The following LRRFIP2 variants were observed in gnomAD, a reference collection of about 807,000 sequenced individuals.
LRRFIP2 encodes LRR binding FLII interacting protein 2.
A neutral mutation model predicts 125.9 loss-of-function variants in LRRFIP2; 109 were observed. The ratio of observed to expected loss-of-function variants is 0.87; its 90% confidence interval spans 0.74 to 1.01. The LOEUF (loss-of-function observed/expected upper bound fraction) is 1.01, where lower values mean the gene tolerates loss of function less well. LRRFIP2 is among the 50% of genes least tolerant of loss of function. The pLI, the probability that LRRFIP2 is intolerant of heterozygous loss-of-function variation, is 0.00. For synonymous variants in LRRFIP2, 291 were observed against 293.1 expected, an observed-to-expected ratio of 0.99 and a Z score of 0.07; for missense variants, 850 against 862.3, an observed-to-expected ratio of 0.99 and a Z score of 0.18.
chr3:37,150,918 G>A (rs1312547537), intron 1 of LRRFIP2, among the ~76,000 whole-genome samples: 1 of 152,156 alleles, frequency 6.6e-6, no homozygotes, highest in Non-Finnish European at 1.5e-5. Flanking sequence ...TAAAGATTCA[G>A]GACATTCCCA....
chr3:37,161,296 A>G (rs1242980918), intron 1 of LRRFIP2, among the ~76,000 whole-genome samples: 1 of 152,072 alleles, frequency 6.6e-6, no homozygotes, highest in African/African-American at 2.4e-5. Context: ...CAGAGGTTAC[A>G]GTGAGCCAAG....
At chr3:37,114,451 T>C (rs984098488) in intron 7 of LRRFIP2, among the ~76,000 whole-genome samples, 4 of 152,014 alleles carry the variant, frequency 2.6e-5, no homozygotes, top group Non-Finnish European at 5.9e-5. Context: ...TGACAATGAG[T>C]ATATGTTAGG....
At chr3:37,131,591 T>C (rs1293496665) in intron 2 of LRRFIP2, among the ~76,000 whole-genome samples, 1 of 152,250 alleles carries the variant, frequency 6.6e-6, no homozygotes, top group African/African-American at 2.4e-5. Context: ...ATCCTAACTC[T>C]GATTCAGACT....
In LRRFIP2 at chr3:37,094,373, T is replaced by C. The variant is rs143462251; in HGVS notation, c.1035+419A>G. ...CCAAATATTATTACACTTCTATTACTATGAAAAACTGAGAGATAACTATAT... is the reference window on the plus strand; with the variant it reads ...CCAAATATTATTACACTTCTATTACCATGAAAAACTGAGAGATAACTATAT... On this transcript the variant is annotated intron_variant, in intron 17 of 27. Transcript: ENST00000336686. Among the ~76,000 whole-genome samples the C allele has an allele frequency of 2.8e-3, 422 of 152,328 alleles. 2 individuals are homozygous for C. Among genetic ancestry groups the C allele is most frequent in the African/African-American group, 9.5e-3 (396 of 41,586 alleles).
chr3:37,072,797 T>A lies in LRRFIP2; in HGVS notation c.1457A>T (p.Lys486Ile). The A allele has an allele frequency of 6.2e-7, 1 of 1,610,534 alleles. No homozygotes were observed. Among genetic ancestry groups the A allele is most frequent in the Non-Finnish European group, 8.5e-7 (1 of 1,177,172 alleles). The change falls in exon 21 of 28, where the codon AAA becomes ATA. Residue 486 changes from lysine to isoleucine, a missense_variant. Physicochemically the swap from Lys to Ile is moderately radical, Grantham distance 102. Coordinates refer to ENST00000336686, the MANE Select transcript of LRRFIP2 (RefSeq NM_006309.4). ...LQETLLWKDK[K>I]IGALEKQKEY... ...CCCAATTTCATTTCATACCCCAATT[T>A]TTTTATCTTTCCAAAGAAGTGTCTC...
At chr3:37,058,702 T>A in intron 25 of LRRFIP2, 88 bp downstream of exon 25, 1 of 1,391,756 alleles carries the variant, frequency 7.2e-7, no homozygotes, top group Non-Finnish European at 9.9e-7. Flanking sequence ...GAAAAGTGTA[T>A]TACAAGATAC....
At chr3:37,155,865 G>A (rs1000638160) in intron 1 of LRRFIP2, among the ~76,000 whole-genome samples, 2 of 152,060 alleles carry the variant, frequency 1.3e-5, no homozygotes, top group African/African-American at 4.8e-5. Flanking sequence ...CAATTTTTCT[G>A]TATGTTTAAA....
intron 4 of LRRFIP2, 58 bp downstream of exon 4, chr3:37,127,572 A>C: frequency 6.5e-7 from 1 of 1,547,534 alleles, no homozygotes; most frequent in South Asian, 1.1e-5. Context: ...GTTTTACTTC[A>C]AGACTGCATT....
chr3:37,090,093 T>C (rs1286038096), intron 18 of LRRFIP2, among the ~76,000 whole-genome samples: 1 of 152,202 alleles, frequency 6.6e-6, no homozygotes, highest in Non-Finnish European at 1.5e-5. Flanking sequence ...CTTCAAATCA[T>C]GCCAGGGAAG....
At chr3:37,140,103 T>G (rs886530974) in intron 2 of LRRFIP2, among the ~76,000 whole-genome samples, 3 of 152,202 alleles carry the variant, frequency 2.0e-5, no homozygotes, top group Non-Finnish European at 2.9e-5. Context: ...GTCTCCTGGT[T>G]TTCCTCTTTA....
intron 6 of LRRFIP2, among the ~76,000 whole-genome samples, chr3:37,117,899 T>C (rs904898275): frequency 6.6e-6 from 1 of 152,184 alleles, no homozygotes; most frequent in East Asian, 1.9e-4. Context: ...TATCCTTTGA[T>C]GGGTTCTTCA....
chr3:37,088,799 TAAAAAAAAATTTTAAATAAA>T (rs200123595), intron 18 of LRRFIP2, among the ~76,000 whole-genome samples: 1,647 of 151,052 alleles, frequency 0.011, 39 homozygotes, highest in African/African-American at 0.037. Context: ...ACCTTGTCTC[TAAAAAAAAATTTTAAATAAA>T]AAAATAAAAT....
At chr3:37,058,399 C>T (rs542028291) in intron 25 of LRRFIP2, among the ~76,000 whole-genome samples, 8 of 152,236 alleles carry the variant, frequency 5.3e-5, no homozygotes, top group Admixed American at 3.3e-4. Flanking sequence ...AACGGCCAGG[C>T]GCGGTGGCTC....
chr3:37,159,180 T>G (rs557165556), intron 1 of LRRFIP2, among the ~76,000 whole-genome samples: 1 of 152,326 alleles, frequency 6.6e-6, no homozygotes, highest in African/African-American at 2.4e-5. Flanking sequence ...AAGACAGGGA[T>G]CCAACTTCAC....
rs903050405 is a variant in LRRFIP2 at position 37,121,546 on chromosome 3, A to T, written c.286-10T>A. The T allele has an allele frequency of 6.2e-7, 1 of 1,613,258 alleles. No homozygotes were observed. The highest frequency in any genetic ancestry group is 1.7e-5 in the Admixed American group (1 of 59,988). Reference sequence around the variant, plus strand: ...ATGCATCCTCAACTCCCTGATAAAAATGAAAATAAACACAGTAAAAGTTTG... The same window carrying T: ...ATGCATCCTCAACTCCCTGATAAAATTGAAAATAAACACAGTAAAAGTTTG... On this transcript the variant is annotated splice_polypyrimidine_tract_variant and intron_variant, in intron 5 of 27. Coordinates refer to ENST00000336686, the MANE Select transcript of LRRFIP2 (RefSeq NM_006309.4).
At chr3:37,154,782 A>C (rs1045100619) in intron 1 of LRRFIP2, 17 of 152,248 alleles carry the variant, frequency 1.1e-4, no homozygotes, top group African/African-American at 4.1e-4. Flanking sequence ...GATATTGTCC[A>C]CTTTTGTAAG....
In LRRFIP2 at chr3:37,066,304, A is replaced by C; in HGVS notation, c.1486T>G (p.Tyr496Asp). Residue 496 changes from tyrosine to aspartate, a missense_variant, in exon 22 of 28, where the codon TAC (tyrosine) becomes GAC (aspartate). Physicochemically the swap from Tyr to Asp is radical, Grantham distance 160 (BLOSUM62 -3). Coordinates refer to ENST00000336686, the MANE Select transcript of LRRFIP2 (RefSeq NM_006309.4). ...CGCTCATTCCTAAGGCAGGCAATGT[A>C]TTCTTTCTGTTTCTCTAGGGCCTGG... Reference protein sequence around the residue: ...KIGALEKQKEYIACLRNERDM... With the variant: ...KIGALEKQKEDIACLRNERDM... 6.2e-7 allele frequency: 1 copy of C among 1,614,158 alleles called. No individual in the cohort carries two copies. The highest frequency in any genetic ancestry group is 1.1e-5 in the South Asian group (1 of 91,082).
intron 23 of LRRFIP2, chr3:37,065,553 C>T (rs906301427): frequency 1.6e-6 from 1 of 618,374 alleles, no homozygotes; most frequent in Non-Finnish European, 3.0e-6. Flanking sequence ...AAGTAAAAAC[C>T]GATGTGTATA....
At chr3:37,144,678 G>A (rs1262529472) in intron 2 of LRRFIP2, among the ~76,000 whole-genome samples, 1 of 152,170 alleles carries the variant, frequency 6.6e-6, no homozygotes, top group Non-Finnish European at 1.5e-5. Context: ...TCACAGTGTT[G>A]ATGGTGCTAA....
Sources: allele counts gnomAD v4.1 joint callset (sites outside exome capture counted in the v4.1 genomes callset), GRCh38; gene constraint gnomAD v4.1.1; transcripts MANE v1.5; gene names NCBI Gene and HGNC (gene_info 2026-07-23, HGNC 2026-07-21).